Variants in PLA2G4A observed in about 807,000 individuals in gnomAD.
PLA2G4A encodes cytosolic phospholipase A2.
In PLA2G4A, 40 loss-of-function variants were observed where a neutral mutation model predicts 81.9. The observed-to-expected ratio is 0.49, with a 90% confidence interval of 0.38 to 0.64. The LOEUF (loss-of-function observed/expected upper bound fraction) is 0.64, where lower values mean the gene tolerates loss of function less well. Among genes scored for constraint, PLA2G4A ranks in the 30% least tolerant of loss-of-function variants. The pLI, the probability that PLA2G4A is intolerant of heterozygous loss-of-function variation, is 0.00. For synonymous variants in PLA2G4A, 302 were observed against 296.9 expected, an observed-to-expected ratio of 1.02 and a Z score of -0.18; for missense variants, 715 against 905.1, an observed-to-expected ratio of 0.79 and a Z score of 2.69.
chr1:186,950,522 A>C (rs536083294), intron 12 of PLA2G4A, 135 bp from the exon 13 acceptor site: 130 of 546,580 alleles, frequency 2.4e-4, no homozygotes, highest in Admixed American at 6.4e-4. Context: ...TAGAATTATT[A>C]AATGGATTTA....
At chr1:186,976,940 G>A (rs531717862) in intron 15 of PLA2G4A, among the ~76,000 whole-genome samples, 1 of 152,258 alleles carries the variant, frequency 6.6e-6, no homozygotes, top group South Asian at 2.1e-4. Flanking sequence ...TGTATAACCA[G>A]CTTACCAGGA....
At chr1:186,965,347 A>G (rs1270321807) in intron 14 of PLA2G4A, 62 bp from the exon 15 acceptor site, 1 of 1,241,902 alleles carries the variant, frequency 8.1e-7, no homozygotes, top group Non-Finnish European at 1.2e-6. Flanking sequence ...CAACATTTTT[A>G]GATGATAAAT....
At chr1:186,915,184 T>C (rs1558433081) in intron 7 of PLA2G4A, among the ~76,000 whole-genome samples, 1 of 152,176 alleles carries the variant, frequency 6.6e-6, no homozygotes, top group Non-Finnish European at 1.5e-5. Flanking sequence ...TGTCTTCAAC[T>C]ACTTGCCCTT....
chr1:186,939,193 T>C lies in PLA2G4A; in HGVS notation c.881T>C (p.Ile294Thr). ...GGACAACCTGTCACCTTTACTGATA[T>C]CTTTGGGATGTTAATAGGAGAAACA... ...SSGQPVTFTDIFGMLIGETLI... is the reference protein window; with the variant it reads ...SSGQPVTFTDTFGMLIGETLI... The change falls in exon 9 of 18, where the codon ATC (isoleucine) becomes ACC (threonine). Residue 294 changes from isoleucine to threonine, a missense_variant. Physicochemically the swap from Ile to Thr is moderately conservative, Grantham distance 89 (BLOSUM62 -1). Coordinates refer to ENST00000367466, the MANE Select transcript of PLA2G4A (RefSeq NM_024420.3). 1 of 1,601,868 alleles carries C rather than the reference T, an allele frequency of 6.2e-7. No homozygotes were observed. The highest frequency in any genetic ancestry group is 8.6e-7 in the Non-Finnish European group (1 of 1,169,094).
Position 186,977,775 on chromosome 1 carries a change from G to A in PLA2G4A, c.1947G>A (p.Lys649=), listed in dbSNP as rs747249964. 57 of 1,610,044 alleles carry A rather than the reference G, an allele frequency of 3.5e-5. No individual in the cohort carries two copies. The highest frequency in any genetic ancestry group is 4.7e-5 in the Non-Finnish European group (55 of 1,176,420). Residue 649 remains lysine (K), a synonymous_variant, in exon 16 of 18, where the codon AAG becomes AAA. Transcript: ENST00000367466. ...TTCTGGCCAACATCAACTTCAGAAA[G>A]TACAGGGCTCCAGGTAAGTAGGGAG... ...HFVLANINFR[K]YRAPGVPRET...
chr1:186,850,891 TAA>T (rs541981572), intron 1 of PLA2G4A, among the ~76,000 whole-genome samples: 2 of 151,942 alleles, frequency 1.3e-5, no homozygotes, highest in Admixed American at 6.6e-5. Flanking sequence ...GGCAAATATA[TAA>T]AAAAAACTTA....
chr1:186,977,816 A>G (rs1317057328), intron 16 of PLA2G4A, 28 bp downstream of exon 16: 2 of 1,453,468 alleles, frequency 1.4e-6, no homozygotes, highest in African/African-American at 1.4e-5. Flanking sequence ...TGTATTCCAT[A>G]AAATAGAAAT....
chr1:186,868,064 T>C (rs1021661403), intron 2 of PLA2G4A, among the ~76,000 whole-genome samples: 10 of 141,818 alleles, frequency 7.1e-5, no homozygotes, highest in Non-Finnish European at 1.2e-4. Context: ...GGTCACGGTG[T>C]ATAATTCTTT....
intron 3 of PLA2G4A, among the ~76,000 whole-genome samples, chr1:186,884,628 G>C (rs1653863635): frequency 6.6e-6 from 1 of 152,120 alleles, no homozygotes; most frequent in South Asian, 2.1e-4. Context: ...TATAATCCCA[G>C]CATTTTGGGG....
In PLA2G4A at chr1:186,935,823, G is replaced by A. The variant is rs138876796; in HGVS notation, c.695+2924G>A. On this transcript the variant is annotated intron_variant, in intron 8 of 17. Transcript: ENST00000367466. ...TATTTGGTATAAGTGAGGTAATACG[G>A]AAATATGTGGAGAAGCCCTGGACCT... Among the ~76,000 whole-genome samples the A allele has an allele frequency of 3.8e-3, 573 of 152,032 alleles. 3 individuals are homozygous for A. Among genetic ancestry groups the A allele is most frequent in the African/African-American group, 0.013 (546 of 41,522 alleles).
intron 7 of PLA2G4A, among the ~76,000 whole-genome samples, chr1:186,916,520 G>A (rs969292440): frequency 6.6e-6 from 1 of 152,076 alleles, no homozygotes; most frequent in African/African-American, 2.4e-5. Flanking sequence ...ATTAATGATA[G>A]CACAGGCATC....
intron 8 of PLA2G4A, 71 bp downstream of exon 8, chr1:186,932,970 AG>A: frequency 9.1e-7 from 1 of 1,099,500 alleles, no homozygotes; most frequent in Non-Finnish European, 1.4e-6. Context: ...AAGCACTAGA[AG>A]AGAAAAGGGG....
chr1:186,964,280 C>G (rs1401544999), intron 14 of PLA2G4A, among the ~76,000 whole-genome samples: 2 of 152,184 alleles, frequency 1.3e-5, no homozygotes, highest in Non-Finnish European at 2.9e-5. Flanking sequence ...CAAACCAGTT[C>G]AATTCTGGTC....
At chr1:186,899,591 G>A (rs1654466173) in intron 5 of PLA2G4A, among the ~76,000 whole-genome samples, 1 of 151,976 alleles carries the variant, frequency 6.6e-6, no homozygotes, top group Non-Finnish European at 1.5e-5. Flanking sequence ...GGAAGAAGAG[G>A]TACACTGGGA....
intron 3 of PLA2G4A, among the ~76,000 whole-genome samples, chr1:186,882,646 A>G (rs765258849): frequency 3.2e-4 from 48 of 152,184 alleles, no homozygotes; most frequent in Non-Finnish European, 6.6e-4. Flanking sequence ...CTTTCTCACC[A>G]TATTTAGGCC....
At chr1:186,859,898 T>G (rs1006610529) in intron 2 of PLA2G4A, among the ~76,000 whole-genome samples, 6 of 152,188 alleles carry the variant, frequency 3.9e-5, no homozygotes, top group Non-Finnish European at 8.8e-5. Context: ...TAAATTGTTA[T>G]GTGCACAAAA....
intron 16 of PLA2G4A, 149 bp from the exon 17 acceptor site, chr1:186,979,166 G>A (rs746493316): frequency 1.5e-5 from 10 of 683,390 alleles, no homozygotes; most frequent in Non-Finnish European, 2.1e-5. Context: ...AGAACACACA[G>A]ACACGATAAA....
At chr1:186,940,659 G>A (rs918838426) in intron 10 of PLA2G4A, among the ~76,000 whole-genome samples, 2 of 152,144 alleles carry the variant, frequency 1.3e-5, no homozygotes, top group Admixed American at 6.5e-5. Flanking sequence ...TAGGTAAATA[G>A]TTGTTATATT....
intron 15 of PLA2G4A, among the ~76,000 whole-genome samples, chr1:186,969,941 T>C (rs1657280428): frequency 6.6e-6 from 1 of 152,040 alleles, no homozygotes; most frequent in African/African-American, 2.4e-5. Flanking sequence ...ATGGGATTAC[T>C]GGATCATATG....
Sources: gnomAD v4.1 joint callset for allele counts (sites outside exome capture counted in the v4.1 genomes callset) on GRCh38, gnomAD v4.1.1 for gene constraint, MANE v1.5 for transcripts, NCBI Gene and HGNC (gene_info 2026-07-23, HGNC 2026-07-21) for gene names.